ILRUN: variants seen among roughly 807,000 people sequenced by gnomAD.
The protein encoded by ILRUN is protein ILRUN.
In ILRUN, 3 loss-of-function variants were observed where a neutral mutation model predicts 33.8. The ratio of observed to expected loss-of-function variants is 0.09; its 90% CI spans 0.04 to 0.23. The LOEUF (loss-of-function observed/expected upper bound fraction) is 0.23, where lower values mean the gene tolerates loss of function less well. Among genes scored for constraint, ILRUN ranks in the 10% least tolerant of loss-of-function variants. The pLI is 1.00. For synonymous variants in ILRUN, 124 were observed against 138.9 expected, an observed-to-expected ratio of 0.89 and a Z score of 0.75; for missense variants, 210 against 375.1, an observed-to-expected ratio of 0.56 and a Z score of 3.64.
rs190064617 is a variant in ILRUN at position 34,587,615 on chromosome 6, C to G, written c.*2950G>C. The G allele has an allele frequency of 1.6e-3, 244 of 155,820 alleles. 1 individual carries two copies. The highest frequency in any genetic ancestry group is 5.4e-3 in the African/African-American group (226 of 41,714). The allele number at this position is 155,820 out of a possible 1,614,324, so 9.7% of individuals were successfully genotyped here. ...TTCTCATGCCCATTTCCCACCATGGCCACCCTCAGGCCACACCAGCTGTTT... is the reference window on the plus strand; with the variant it reads ...TTCTCATGCCCATTTCCCACCATGGGCACCCTCAGGCCACACCAGCTGTTT... On this transcript the variant is annotated 3_prime_UTR_variant, in exon 5 of 5. Transcript: ENST00000374023.
At chr6:34,634,753 T>C (rs745949214) in intron 3 of ILRUN, among the ~76,000 whole-genome samples, 6 of 152,226 alleles carry the variant, frequency 3.9e-5, no homozygotes, top group Non-Finnish European at 8.8e-5. Flanking sequence ...ATTACCTTAA[T>C]AGACCTATAA....
chr6:34,663,020 G>A (rs1179117328), intron 1 of ILRUN, among the ~76,000 whole-genome samples: 1 of 152,034 alleles, frequency 6.6e-6, no homozygotes, highest in East Asian at 1.9e-4. Flanking sequence ...CTTGAGCCCG[G>A]GAGTTCAAGG....
chr6:34,619,511 C>T (rs1446072809), intron 3 of ILRUN, among the ~76,000 whole-genome samples: 1 of 152,020 alleles, frequency 6.6e-6, no homozygotes, highest in Non-Finnish European at 1.5e-5. Context: ...AGGCACTTGC[C>T]ACCATGCCTG....
At chr6:34,696,175 G>T in intron 1 of ILRUN, 1 of 422,994 alleles carries the variant, frequency 2.4e-6, no homozygotes, top group Non-Finnish European at 4.3e-6. Flanking sequence ...ACGTCCCTTG[G>T]CCCCTAATCC....
chr6:34,639,076 A>C (rs1762419896), intron 3 of ILRUN, among the ~76,000 whole-genome samples: 1 of 152,232 alleles, frequency 6.6e-6, no homozygotes, highest in Non-Finnish European at 1.5e-5. Flanking sequence ...TATAAAATGG[A>C]GAAAGTAAAG....
At chr6:34,637,607 TC>T (rs1762388955) in intron 3 of ILRUN, among the ~76,000 whole-genome samples, 2 of 152,218 alleles carry the variant, frequency 1.3e-5, no homozygotes, top group African/African-American at 4.8e-5. Flanking sequence ...AAAGCAAACA[TC>T]ATTAGCACTA....
intron 1 of ILRUN, among the ~76,000 whole-genome samples, chr6:34,655,130 GTATTAT>G (rs1264167323): frequency 1.3e-5 from 2 of 151,910 alleles, no homozygotes; most frequent in Admixed American, 6.6e-5. Context: ...TTTTTATTTT[GTATTAT>G]TATTATTTGT....
intron 3 of ILRUN, among the ~76,000 whole-genome samples, chr6:34,611,127 T>G (rs1442321682): frequency 1.3e-5 from 2 of 150,528 alleles, no homozygotes; most frequent in Non-Finnish European, 3.0e-5. Context: ...TAATTAAATT[T>G]TTAGTAGAGA....
At chr6:34,632,132 T>C (rs1762258452) in intron 3 of ILRUN, among the ~76,000 whole-genome samples, 2 of 152,162 alleles carry the variant, frequency 1.3e-5, no homozygotes, top group African/African-American at 2.4e-5. Context: ...AAAAACTATG[T>C]GGAAATGCAT....
intron 1 of ILRUN, among the ~76,000 whole-genome samples, chr6:34,666,463 C>A (rs575239542): frequency 4.6e-5 from 7 of 152,076 alleles, no homozygotes; most frequent in Admixed American, 2.6e-4. Flanking sequence ...CGCGAGGCTG[C>A]GGCAGGAGAA....
chr6:34,631,185 T>C lies in ILRUN; in HGVS notation c.511+15416A>G, dbSNP rs533105794. On this transcript the variant is annotated intron_variant, in intron 3 of 4. Coordinates refer to ENST00000374023, the MANE Select transcript of ILRUN (RefSeq NM_024294.4). The stretch of plus-strand genomic sequence containing the variant: ...CTTTTTAGTATACCCTGCTGAAAGG[T>C]AGACAGGATGTACTGGCTAAAAGAA... Among the ~76,000 whole-genome samples the C allele has an allele frequency of 9.9e-5, 15 of 152,274 alleles. No homozygotes were observed. The South Asian group carries it at 2.1e-3, about 21-fold the overall frequency.
At chr6:34,642,139 G>GC (rs1268650472) in intron 3 of ILRUN, among the ~76,000 whole-genome samples, 1 of 152,164 alleles carries the variant, frequency 6.6e-6, no homozygotes, top group Non-Finnish European at 1.5e-5. Flanking sequence ...TGGGGATAAT[G>GC]CCCCAAAGAA....
rs1484502219 is a variant in ILRUN at position 34,592,344 on chromosome 6, G to A, written c.862-1744C>T. Among the ~76,000 whole-genome samples the A allele has an allele frequency of 6.6e-6, 1 of 152,244 alleles. No homozygotes were observed. The highest frequency in any genetic ancestry group is 1.5e-5 in the Non-Finnish European group (1 of 68,044). On this transcript the variant is annotated intron_variant, in intron 4 of 4. Coordinates refer to ENST00000374023, the MANE Select transcript of ILRUN (RefSeq NM_024294.4). The surrounding 1 kb of genome is among the most constrained non-coding windows in gnomAD (Gnocchi z 4.0). ...ACCTGATTAAGGGAGCAGCACTGGT[G>A]AGGGAAGCAACTGGCATTTGCCAAA...
At chr6:34,648,765 GATACACAC>G (rs1200635868) in intron 2 of ILRUN, among the ~76,000 whole-genome samples, 1 of 152,112 alleles carries the variant, frequency 6.6e-6, no homozygotes, top group Non-Finnish European at 1.5e-5. Flanking sequence ...TATTCTTTAA[GATACACAC>G]ATACACACAC....
At chr6:34,620,068 A>G (rs1466352747) in intron 3 of ILRUN, among the ~76,000 whole-genome samples, 3 of 152,084 alleles carry the variant, frequency 2.0e-5, no homozygotes, top group Non-Finnish European at 4.4e-5. Flanking sequence ...ATTTATATAC[A>G]TTTGCTAGTG....
intron 4 of ILRUN, among the ~76,000 whole-genome samples, chr6:34,591,046 C>CTATT (rs1298206269): frequency 6.6e-6 from 1 of 152,220 alleles, no homozygotes; most frequent in African/African-American, 2.4e-5. Context: ...GAAATAGCAA[C>CTATT]TATTTACTTA....
Position 34,631,567 on chromosome 6 carries a change from G to A in ILRUN, c.511+15034C>T, listed in dbSNP as rs533612795. Among the ~76,000 whole-genome samples, 3 of 152,204 alleles carry A rather than the reference G, an allele frequency of 2.0e-5. No homozygotes were observed. The East Asian group carries it at 5.8e-4, about 29-fold the overall frequency. ...TGGTCTCAAACACCTGACCTCAAGT[G>A]ATCTACGCACCTCAGCCTCCCAAAG... On this transcript the variant is annotated intron_variant, in intron 3 of 4. Transcript: ENST00000374023.
intron 1 of ILRUN, among the ~76,000 whole-genome samples, chr6:34,665,752 A>T (rs879280205): frequency 1.3e-5 from 2 of 152,168 alleles, no homozygotes; most frequent in Non-Finnish European, 2.9e-5. Context: ...AAGGAAAAAA[A>T]TGCCAAAAAA....
chr6:34,624,954 G>A (rs2744963), intron 3 of ILRUN, among the ~76,000 whole-genome samples: 37,443 of 151,924 alleles, frequency 0.25, 4,704 homozygotes, highest in East Asian at 0.32. Context: ...AAGAGGATGG[G>A]CTTTAGTTTC....
Sources: gnomAD v4.1 joint callset for allele counts (sites outside exome capture counted in the v4.1 genomes callset) on GRCh38, gnomAD v4.1.1 for gene constraint, Gnocchi (gnomAD v3.1) non-coding constraint, MANE v1.5 for transcripts, NCBI Gene and HGNC (gene_info 2026-07-23, HGNC 2026-07-21) for gene names.